Variants in ASPH observed in about 807,000 individuals in gnomAD.
ASPH encodes aspartate beta-hydroxylase.
In ASPH, 100 loss-of-function variants were observed where a neutral mutation model predicts 118.4. The ratio of observed to expected loss-of-function variants is 0.84; its 90% CI spans 0.72 to 1.00. ASPH has a LOEUF of 1.00. Among genes scored for constraint, ASPH ranks in the 50% least tolerant of loss-of-function variants. The pLI is 0.00. For synonymous variants in ASPH, 315 were observed against 325.6 expected (o/e 0.97, Z 0.35); for missense variants, 920 against 919.5 (o/e 1.00, Z -0.01).
intron 1 of ASPH, among the ~76,000 whole-genome samples, chr8:61,699,921 C>T (rs1484584346): frequency 5.9e-5 from 9 of 152,172 alleles, no homozygotes; most frequent in Non-Finnish European, 1.5e-5. Flanking sequence ...TGGGGAATGA[C>T]GGCTACAGAG....
intron 14 of ASPH, among the ~76,000 whole-genome samples, chr8:61,596,567 G>C (rs1166478470): frequency 2.0e-5 from 3 of 152,202 alleles, no homozygotes; most frequent in Non-Finnish European, 4.4e-5. Context: ...GTCCCCAGCA[G>C]AGCCTCACCA....
chr8:61,595,788 C>T (rs1842353143), intron 14 of ASPH, among the ~76,000 whole-genome samples: 1 of 152,242 alleles, frequency 6.6e-6, no homozygotes, highest in African/African-American at 2.4e-5. Context: ...CCTGCTGCCA[C>T]TGGCACCTGC....
At chr8:61,712,301 G>T (rs1838239879) in intron 1 of ASPH, among the ~76,000 whole-genome samples, 1 of 152,146 alleles carries the variant, frequency 6.6e-6, no homozygotes, top group African/African-American at 2.4e-5. Context: ...TTCGAGTACA[G>T]CCTACTATAC....
At chr8:61,570,741 GA>G (rs1312211176) in intron 16 of ASPH, among the ~76,000 whole-genome samples, 44 of 152,314 alleles carry the variant, frequency 2.9e-4, no homozygotes, top group African/African-American at 1.0e-3. Context: ...AACTGAAACT[GA>G]ATATTTGTTA....
At chr8:61,548,618 C>T (rs1824757259) in intron 20 of ASPH, among the ~76,000 whole-genome samples, 1 of 152,126 alleles carries the variant, frequency 6.6e-6, no homozygotes, top group Non-Finnish European at 1.5e-5. Context: ...AAGATATTTG[C>T]ATTTACTGAA....
At chr8:61,656,993 A>G (rs10098405) in intron 3 of ASPH, 1 of 152,232 alleles carries the variant, frequency 6.6e-6, no homozygotes, top group Admixed American at 6.5e-5. Context: ...AATTCAAGGC[A>G]TTATTCTACA....
At chr8:61,682,475 T>C (rs766906879) in intron 2 of ASPH, 1 of 1,612,662 alleles carries the variant, frequency 6.2e-7, no homozygotes, top group African/African-American at 1.3e-5. Flanking sequence ...CGGAAGTCCT[T>C]TGCTTTGGCT....
chr8:61,598,545 C>A (rs1843066937), intron 14 of ASPH, among the ~76,000 whole-genome samples: 1 of 152,088 alleles, frequency 6.6e-6, no homozygotes, highest in Non-Finnish European at 1.5e-5. Flanking sequence ...TAATAGTTGG[C>A]AAGTTCAACA....
intron 21 of ASPH, among the ~76,000 whole-genome samples, chr8:61,541,676 C>T (rs1822031143): frequency 6.6e-6 from 1 of 151,360 alleles, no homozygotes; most frequent in African/African-American, 2.4e-5. Flanking sequence ...CCTGACGTTA[C>T]TTTTTTTTTA....
At chr8:61,619,635 C>G (rs1850215859) in intron 13 of ASPH, among the ~76,000 whole-genome samples, 1 of 152,168 alleles carries the variant, frequency 6.6e-6, no homozygotes, top group Non-Finnish European at 1.5e-5. Flanking sequence ...TTACCTAGGA[C>G]AGTGACACCC....
At chr8:61,550,176 C>A (rs1038135334) in intron 20 of ASPH, among the ~76,000 whole-genome samples, 1 of 151,934 alleles carries the variant, frequency 6.6e-6, no homozygotes, top group African/African-American at 2.4e-5. Context: ...TTAAAAAAAA[C>A]CTAAACTACT....
At chr8:61,634,898 A>C (rs1857083834) in intron 12 of ASPH, among the ~76,000 whole-genome samples, 1 of 152,228 alleles carries the variant, frequency 6.6e-6, no homozygotes, top group South Asian at 2.1e-4. Flanking sequence ...ATTTTCATCT[A>C]AATTTATTAC....
rs528372540 is a variant in ASPH at position 61,559,175 on chromosome 8, G to C, written c.1438-3153C>G. On this transcript the variant is annotated intron_variant, in intron 18 of 24. Coordinates refer to ENST00000379454, the MANE Select transcript of ASPH (RefSeq NM_004318.4). ...CCAGCCCCTCAGACATTTATCCTTT[G>C]TGTTACAAATAATCCAATTATATGC... Among the ~76,000 whole-genome samples the C allele has an allele frequency of 1.2e-4, 18 of 152,214 alleles. No individual in the cohort carries two copies. The East Asian group carries it at 3.1e-3, about 26-fold the overall frequency.
intron 10 of ASPH, among the ~76,000 whole-genome samples, chr8:61,642,285 G>A (rs901021494): frequency 6.6e-6 from 1 of 152,236 alleles, no homozygotes; most frequent in Admixed American, 6.5e-5. Flanking sequence ...TAAAGTAGTT[G>A]TTCATGCATA....
intron 3 of ASPH, chr8:61,675,923 A>T (rs1412731310): frequency 1.0e-5 from 15 of 1,479,042 alleles, no homozygotes; most frequent in Non-Finnish European, 1.3e-5. Flanking sequence ...ACTAGCTAGT[A>T]GCTGTACTGG....
At chr8:61,604,709 CT>C (rs1445282846) in intron 14 of ASPH, among the ~76,000 whole-genome samples, 2 of 152,106 alleles carry the variant, frequency 1.3e-5, no homozygotes, top group African/African-American at 4.8e-5. Flanking sequence ...AGATGACAAA[CT>C]TTTTACCATG....
intron 3 of ASPH, among the ~76,000 whole-genome samples, chr8:61,670,476 G>A (rs1256087695): frequency 2.0e-5 from 3 of 151,804 alleles, no homozygotes; most frequent in Non-Finnish European, 4.4e-5. Flanking sequence ...AGAAAACATA[G>A]GTGGAAGGAA....
intron 12 of ASPH, among the ~76,000 whole-genome samples, chr8:61,637,422 G>A (rs1171068809): frequency 6.6e-6 from 1 of 152,082 alleles, no homozygotes; most frequent in African/African-American, 2.4e-5. Context: ...TGAAATAACT[G>A]TAAAATGCTA....
rs1589409150 is a variant in ASPH, at chr8:61,714,562, C to A, written c.-191G>T. 1.2e-6 allele frequency: 1 copy of A among 857,036 alleles called. No individual in the cohort carries two copies. The highest frequency in any genetic ancestry group is 4.4e-5 in the Admixed American group (1 of 22,934). The allele number at this position is 857,036 out of a possible 1,614,324, so 53.1% of individuals were successfully genotyped here. A position where few individuals can be genotyped will look rare whatever the true frequency, so the allele number is the denominator to read the frequency against. On this transcript the variant is annotated 5_prime_UTR_variant, in exon 1 of 25. Coordinates refer to ENST00000379454, the MANE Select transcript of ASPH (RefSeq NM_004318.4). ...ACTTCACCCGCCTGCCGGCTGCGCG[C>A]GCCCGGCCTCGCGTGTACGAACCTG... is the stretch of plus-strand genomic sequence containing the variant.
Sources: gnomAD v4.1 joint callset for allele counts (sites outside exome capture counted in the v4.1 genomes callset) on GRCh38, gnomAD v4.1.1 for gene constraint, MANE v1.5 for transcripts, NCBI Gene and HGNC (gene_info 2026-07-23, HGNC 2026-07-21) for gene names.